Variants in TMEM87A observed in about 807,000 individuals in gnomAD.
The protein encoded by TMEM87A is transmembrane protein 87A, also known as Golgi-pH regulating cation channel.
TMEM87A carries 50 observed loss-of-function variants against 90.0 expected under a neutral mutation model. The ratio of observed to expected loss-of-function variants is 0.56; its 90% confidence interval spans 0.44 to 0.70. TMEM87A has a LOEUF of 0.70. TMEM87A is among the 30% of genes least tolerant of loss of function. The pLI is 0.00. For missense variants in TMEM87A, 577 were observed against 660.5 expected (o/e 0.87, Z 1.39); for synonymous variants, 226 against 226.7 (o/e 1.00, Z 0.03).
intron 17 of TMEM87A, among the ~76,000 whole-genome samples, chr15:42,219,269 G>A (rs1012238415): frequency 1.3e-5 from 2 of 152,104 alleles, no homozygotes; most frequent in African/African-American, 4.8e-5. Flanking sequence ...TCGTTTTCTT[G>A]CTACTGAGTT....
At chr15:42,218,255 T>C in intron 18 of TMEM87A, 68 bp downstream of exon 18, 1 of 1,495,510 alleles carries the variant, frequency 6.7e-7, no homozygotes. Flanking sequence ...AACTTGCTCA[T>C]TTAAAATAAT....
intron 15 of TMEM87A, among the ~76,000 whole-genome samples, chr15:42,221,417 G>C (rs773313014): frequency 2.4e-4 from 36 of 152,270 alleles, no homozygotes; most frequent in African/African-American, 8.4e-4. Flanking sequence ...ATTTAAATCA[G>C]AAGTTACAAA....
chr15:42,265,493 C>T (rs1409140035), intron 3 of TMEM87A, among the ~76,000 whole-genome samples: 2 of 151,150 alleles, frequency 1.3e-5, no homozygotes, highest in African/African-American at 4.9e-5. Context: ...TGCTTGTTGG[C>T]TGTATATCTT....
intron 3 of TMEM87A, 66 bp from the exon 4 acceptor site, chr15:42,264,269 C>A (rs2051354768): frequency 3.7e-6 from 4 of 1,089,118 alleles, no homozygotes; most frequent in Non-Finnish European, 4.2e-6. Flanking sequence ...AAGAGCACAG[C>A]ACAACAAACA....
chr15:42,236,424 G>T lies in TMEM87A; in HGVS notation c.869-5C>A. 6.2e-7 allele frequency: 1 copy of T among 1,613,434 alleles called. No individual in the cohort carries two copies. The highest frequency in any genetic ancestry group is 8.5e-7 in the Non-Finnish European group (1 of 1,179,476). On this transcript the variant is annotated splice_polypyrimidine_tract_variant and splice_region_variant and intron_variant, in intron 9 of 19. Transcript: ENST00000389834. ...CAAGGATCAAAGCACCCTGGACTAT[G>T]AAAAAGAAGGGAAGAAATGGCACCA...
chr15:42,231,206 C>T lies in TMEM87A; in HGVS notation c.1117G>A (p.Ala373Thr). ...AFIPLAFLDT[A>T]LCWWIFISLT... ...GAGAAGGATATCCACCAGCACAAGG[C>T]AGTGTCTAGGAAAGCCAAGGGGATA... The change falls in exon 12 of 20, where the codon GCC (alanine) becomes ACC (threonine). Residue 373 changes from alanine to threonine, a missense_variant. Transcript: ENST00000389834. The T allele has an allele frequency of 6.2e-7, 1 of 1,600,744 alleles. No homozygotes were observed. The highest frequency in any genetic ancestry group is 2.3e-5 in the East Asian group (1 of 43,688).
chr15:42,256,640 T>C (rs1054475807), intron 6 of TMEM87A, among the ~76,000 whole-genome samples: 2 of 152,234 alleles, frequency 1.3e-5, no homozygotes, highest in African/African-American at 4.8e-5. Context: ...ACTCAAAGTA[T>C]GCTGTGCACA....
At chr15:42,249,260 G>C (rs868409963) in intron 6 of TMEM87A, among the ~76,000 whole-genome samples, 2 of 152,128 alleles carry the variant, frequency 1.3e-5, no homozygotes, top group Non-Finnish European at 2.9e-5. Context: ...CTCTTGAAGG[G>C]TTTTTTGTGT....
At chr15:42,244,874 A>T (rs2140953392) in intron 6 of TMEM87A, among the ~76,000 whole-genome samples, 1 of 151,302 alleles carries the variant, frequency 6.6e-6, no homozygotes, top group South Asian at 2.1e-4. Context: ...TTGGAATTGC[A>T]ATTTACTACC....
At chr15:42,233,692 T>C (rs536977300) in intron 10 of TMEM87A, among the ~76,000 whole-genome samples, 1 of 152,214 alleles carries the variant, frequency 6.6e-6, no homozygotes, top group Non-Finnish European at 1.5e-5. Context: ...TCCTAGACAG[T>C]ATATCTTTGA....
intron 19 of TMEM87A, 53 bp from the exon 20 acceptor site, chr15:42,211,802 C>A: frequency 4.7e-6 from 7 of 1,499,924 alleles, no homozygotes; most frequent in Non-Finnish European, 6.5e-6. Flanking sequence ...ATCTATATTC[C>A]AAATATCTTC....
At chr15:42,246,374 C>T (rs902022192) in intron 6 of TMEM87A, among the ~76,000 whole-genome samples, 29 of 152,116 alleles carry the variant, frequency 1.9e-4, no homozygotes, top group African/African-American at 7.0e-4. Context: ...TATACATGTG[C>T]CATGTTGGTT....
At chr15:42,265,300 G>A (rs1302541864) in intron 3 of TMEM87A, among the ~76,000 whole-genome samples, 1 of 152,128 alleles carries the variant, frequency 6.6e-6, no homozygotes, top group Non-Finnish European at 1.5e-5. Flanking sequence ...TTTCCACAGT[G>A]GTTGAACTAA....
rs553986256 is a variant in TMEM87A, at chr15:42,251,972, C to G, written c.505-7805G>C. ...AGCAATGGCGATGCCCCTTCCCCAG[C>G]CTGGCTGCCACCTCGCAGTTCGATT... On this transcript the variant is annotated intron_variant, in intron 6 of 19. Transcript: ENST00000389834. Among the ~76,000 whole-genome samples, 137 of 152,376 alleles carry G rather than the reference C, an allele frequency of 9.0e-4. 4 individuals are homozygous for G. The South Asian group carries it at 0.028, about 31-fold the overall frequency.
At chr15:42,218,011 T>A (rs1196935382) in intron 18 of TMEM87A, 178 bp from the exon 19 acceptor site, 7 of 668,110 alleles carry the variant, frequency 1.0e-5, no homozygotes, top group Non-Finnish European at 1.7e-5. Context: ...ACAGAAATTG[T>A]ATAGAAAAAA....
intron 15 of TMEM87A, among the ~76,000 whole-genome samples, chr15:42,222,015 A>G (rs1243021417): frequency 1.3e-5 from 2 of 152,206 alleles, no homozygotes; most frequent in African/African-American, 4.8e-5. Context: ...CAGACCTCCC[A>G]AAGTGCTGGA....
intron 19 of TMEM87A, among the ~76,000 whole-genome samples, chr15:42,213,799 T>C (rs984212862): frequency 3.3e-5 from 5 of 152,136 alleles, no homozygotes; most frequent in South Asian, 2.1e-4. Context: ...TGTTTTTTTT[T>C]CTAATGCAAT....
chr15:42,261,060 C>T (rs983970529), intron 5 of TMEM87A, 58 bp from the exon 6 acceptor site: 2 of 1,564,768 alleles, frequency 1.3e-6, no homozygotes, highest in Non-Finnish European at 1.7e-6. Context: ...TTTAGCTGCC[C>T]AAGTTCCTGT....
chr15:42,231,879 C>T, intron 11 of TMEM87A: 1 of 1,278,468 alleles, frequency 7.8e-7, no homozygotes, highest in Non-Finnish European at 1.0e-6. Flanking sequence ...GCTGAGAGGG[C>T]CAGGTTTACT....
Sources: gnomAD v4.1 joint callset for allele counts (sites outside exome capture counted in the v4.1 genomes callset) on GRCh38, gnomAD v4.1.1 for gene constraint, MANE v1.5 for transcripts, NCBI Gene and HGNC (gene_info 2026-07-23, HGNC 2026-07-21) for gene names.